BABAM2: variants seen among roughly 807,000 people sequenced by gnomAD.
BABAM2 encodes BRISC and BRCA1 A complex member 2.
Under a neutral mutation model 54.7 loss-of-function variants are expected in BABAM2, and 31 were observed. The observed-to-expected ratio is 0.57, with a 90% CI of 0.43 to 0.77. The LOEUF (loss-of-function observed/expected upper bound fraction) is 0.77, where lower values mean the gene tolerates loss of function less well. Ranked by LOEUF, BABAM2 falls within the 30% of genes least tolerant of loss-of-function variation. BABAM2 has a pLI of 0.00. For missense variants in BABAM2, 364 were observed against 455.8 expected, an observed-to-expected ratio of 0.80 and a Z score of 1.83; for synonymous variants, 167 against 162.9, an observed-to-expected ratio of 1.03 and a Z score of -0.19.
intron 7 of BABAM2, among the ~76,000 whole-genome samples, chr2:28,188,361 A>G (rs188225357): frequency 8.7e-4 from 133 of 152,280 alleles, no homozygotes; most frequent in African/African-American, 3.1e-3. Flanking sequence ...GGGCGGAGGG[A>G]AGGTTTGGGA....
At chr2:27,948,319 G>A (rs773187152) in intron 3 of BABAM2, among the ~76,000 whole-genome samples, 7 of 150,486 alleles carry the variant, frequency 4.7e-5, no homozygotes, top group African/African-American at 9.8e-5. Flanking sequence ...ACTCAGGTTT[G>A]AGTTACAGAA....
intron 11 of BABAM2, among the ~76,000 whole-genome samples, chr2:28,307,193 G>A (rs1377152566): frequency 6.7e-6 from 1 of 148,826 alleles, no homozygotes; most frequent in Admixed American, 6.7e-5. Context: ...TTTTAGTAGA[G>A]ATGGGGTTTT....
intron 6 of BABAM2, among the ~76,000 whole-genome samples, chr2:28,088,151 A>G (rs1665840397): frequency 6.6e-6 from 1 of 152,246 alleles, no homozygotes; most frequent in Non-Finnish European, 1.5e-5. Flanking sequence ...GTCATAGATT[A>G]TGGTGATATT....
rs771781939 is a variant in BABAM2, at chr2:28,025,310, T to C, written c.385T>C (p.Cys129Arg). ...ELVQQYHQFQ[C>R]SRLRESSRLM... ...TGTGCAACAATATCACCAATTCCAA[T>C]GTAGCCGCCTCCGGGAGAGCTCCCG... The change falls in exon 5 of 12, where the codon TGT (cysteine) becomes CGT (arginine). Residue 129 changes from cysteine (C) to arginine (R), a missense_variant. Coordinates refer to ENST00000379624, the MANE Select transcript of BABAM2 (RefSeq NM_199191.3). 5.0e-6 allele frequency: 8 copies of C among 1,613,252 alleles called. No homozygotes were observed. The highest frequency in any genetic ancestry group is 1.1e-5 in the South Asian group (1 of 90,928).
At chr2:28,274,388 C>T (rs1685696047) in intron 10 of BABAM2, among the ~76,000 whole-genome samples, 1 of 152,304 alleles carries the variant, frequency 6.6e-6, no homozygotes, top group South Asian at 2.1e-4. Flanking sequence ...CATTATTCTG[C>T]TTAATTTGCT....
At position 28,331,283 on chromosome 2, in the gene BABAM2, G is replaced by A. The variant is rs58726349; in HGVS notation, c.1089-7167G>A. On this transcript the variant is annotated intron_variant, in intron 11 of 11. Transcript: ENST00000379624. ...CAGGCAAAGATTTCATGACAAAAAC[G>A]TCAAAAGAATTGCAACAAAAGCAAA... 3.8e-3 allele frequency among the ~76,000 whole-genome samples: 576 copies of A among 152,048 alleles called. 5 individuals carry two copies. The highest frequency in any genetic ancestry group is 0.013 in the African/African-American group (543 of 41,522).
chr2:27,921,620 G>T (rs1000299784), intron 2 of BABAM2, among the ~76,000 whole-genome samples: 1 of 152,152 alleles, frequency 6.6e-6, no homozygotes, highest in Non-Finnish European at 1.5e-5. Flanking sequence ...GCCCTCATCT[G>T]TAAATTGGGG....
At chr2:28,270,370 C>T (rs185356336) in intron 10 of BABAM2, among the ~76,000 whole-genome samples, 146 of 152,322 alleles carry the variant, frequency 9.6e-4, no homozygotes, top group Admixed American at 2.9e-3. Context: ...TTCATCCTGC[C>T]ACAGCCTCCC....
chr2:28,282,179 C>A (rs1686415960), intron 10 of BABAM2, among the ~76,000 whole-genome samples: 1 of 152,130 alleles, frequency 6.6e-6, no homozygotes, highest in South Asian at 2.1e-4. Context: ...GCCATTAAAA[C>A]CCCGTAGATA....
chr2:28,208,750 T>C (rs1679149803), intron 7 of BABAM2, among the ~76,000 whole-genome samples: 1 of 152,196 alleles, frequency 6.6e-6, no homozygotes, highest in Admixed American at 6.5e-5. Flanking sequence ...TTGCTAACAG[T>C]TGTGGCCTCT....
intron 6 of BABAM2, among the ~76,000 whole-genome samples, chr2:28,106,004 T>G (rs1398472430): frequency 6.6e-6 from 1 of 151,976 alleles, no homozygotes; most frequent in African/African-American, 2.4e-5. Flanking sequence ...CGATCTCAAA[T>G]TTATAATAGA....
At chr2:28,195,868 A>G (rs1440873067) in intron 7 of BABAM2, among the ~76,000 whole-genome samples, 1 of 152,240 alleles carries the variant, frequency 6.6e-6, no homozygotes. Context: ...ATAAAATATT[A>G]GTTCAAACAA....
chr2:28,076,329 A>T (rs1302588087), intron 6 of BABAM2, among the ~76,000 whole-genome samples: 2 of 152,108 alleles, frequency 1.3e-5, no homozygotes, highest in Non-Finnish European at 2.9e-5. Flanking sequence ...GAAATTTTAG[A>T]TAAAATATTT....
At chr2:28,015,588 C>G (rs1421774845) in intron 4 of BABAM2, among the ~76,000 whole-genome samples, 2 of 152,114 alleles carry the variant, frequency 1.3e-5, no homozygotes, top group African/African-American at 4.8e-5. Context: ...ATTTATGGCC[C>G]TTTCACACAG....
At chr2:28,131,075 TA>T (rs1454019536) in intron 7 of BABAM2, among the ~76,000 whole-genome samples, 73 of 2,550 alleles carry the variant, frequency 0.029, 8 homozygotes, top group Non-Finnish European at 0.036. Context: ...TTATTATTAT[TA>T]TTATTTTTTT....
intron 7 of BABAM2, among the ~76,000 whole-genome samples, chr2:28,199,379 T>C (rs905301425): frequency 7.9e-5 from 12 of 152,228 alleles, no homozygotes; most frequent in Non-Finnish European, 1.8e-4. Flanking sequence ...ACATTTGCTG[T>C]TTGAGTGGCT....
intron 10 of BABAM2, among the ~76,000 whole-genome samples, chr2:28,248,501 G>A (rs191914969): frequency 1.3e-5 from 2 of 152,112 alleles, no homozygotes; most frequent in South Asian, 2.1e-4. Flanking sequence ...GAGCCACCGC[G>A]CCTGGTCCAC....
Position 28,241,521 on chromosome 2 carries a change from G to A in BABAM2, c.851+128G>A, listed in dbSNP as rs113647214. ...TGATACCTTTTTTTTTTTTGAGACA[G>A]TCTCGCTCTGTCACCCAGGCTGGAG... On this transcript the variant is annotated intron_variant, in intron 9 of 11. Coordinates refer to ENST00000379624, the MANE Select transcript of BABAM2 (RefSeq NM_199191.3). 5,407 of 801,056 alleles carry A rather than the reference G, an allele frequency of 6.7e-3. 197 individuals are homozygous for A. In the African/African-American group the frequency reaches 0.082, roughly 12 times the overall value. The allele number at this position is 801,056 out of a possible 1,614,324, so 49.6% of individuals were successfully genotyped here. A position where few individuals can be genotyped will look rare whatever the true frequency, so the allele number is the denominator to read the frequency against.
At chr2:28,327,098 T>C (rs1051613505) in intron 11 of BABAM2, among the ~76,000 whole-genome samples, 3 of 151,928 alleles carry the variant, frequency 2.0e-5, no homozygotes, top group Non-Finnish European at 4.4e-5. Context: ...TCTTCCAGGG[T>C]GTGAGAGAAT....
Sources: gnomAD v4.1 joint callset for allele counts (sites outside exome capture counted in the v4.1 genomes callset) on GRCh38, gnomAD v4.1.1 for gene constraint, MANE v1.5 for transcripts, NCBI Gene and HGNC (gene_info 2026-07-23, HGNC 2026-07-21) for gene names.